NLRP5: variants seen among roughly 807,000 people sequenced by gnomAD.
The protein encoded by NLRP5 is NLR family pyrin domain containing 5.
In NLRP5, 93 loss-of-function variants were observed where a neutral mutation model predicts 113.1. That is an observed-to-expected ratio of 0.82 (90% CI 0.70 to 0.98). The LOEUF is 0.98. NLRP5 is among the 50% of genes least tolerant of loss of function. NLRP5 has a pLI of 0.00. For synonymous variants in NLRP5, 751 were observed against 600.7 expected (o/e 1.25, Z -3.66); for missense variants, 1,808 against 1,514.3 (o/e 1.19, Z -3.22).
intron 3 of NLRP5, 110 bp from the exon 4 acceptor site, chr19:56,015,632 T>C: frequency 1.2e-6 from 1 of 853,216 alleles, no homozygotes; most frequent in Non-Finnish European, 1.7e-6. Context: ...TCTAAACTGG[T>C]CAGAAAATTA....
intron 2 of NLRP5, among the ~76,000 whole-genome samples, chr19:56,007,730 AG>A (rs1981978650): frequency 1.3e-5 from 2 of 149,584 alleles, no homozygotes; most frequent in African/African-American, 5.1e-5. Context: ...AGTGACCCAG[AG>A]GGGATTGTGG....
At chr19:56,006,723 C>T (rs1981928157) in intron 2 of NLRP5, among the ~76,000 whole-genome samples, 1 of 151,156 alleles carries the variant, frequency 6.6e-6, no homozygotes, top group East Asian at 2.0e-4. Flanking sequence ...CAGAGCGAGA[C>T]TCCGTATTTA....
At chr19:56,045,812 A>T (rs1293435107) in intron 11 of NLRP5, among the ~76,000 whole-genome samples, 1 of 152,182 alleles carries the variant, frequency 6.6e-6, no homozygotes, top group Non-Finnish European at 1.5e-5. Flanking sequence ...ACAATGCCAC[A>T]AGGTTGATTG....
At chr19:55,987,302 A>G in the NLRP5 span, among the ~76,000 whole-genome samples, 3 of 152,214 alleles carry the variant, frequency 2.0e-5, no homozygotes, top group African/African-American at 7.2e-5. Flanking sequence ...CCCAGGAGGC[A>G]GAGGTTGCAG....
chr19:56,016,042 AC>A (rs752998738), intron 4 of NLRP5, among the ~76,000 whole-genome samples: 77 of 152,328 alleles, frequency 5.1e-4, no homozygotes, highest in South Asian at 2.1e-3. Flanking sequence ...AATTGTATAT[AC>A]TTATGGGGCG....
rs1160965587 is a variant in NLRP5, at chr19:56,055,537, C to CTTTTTTTTTTTTTTTTTTT, written c.3299+1737_3299+1755dup. Among the ~76,000 whole-genome samples the CTTTTTTTTTTTTTTTTTTT allele has an allele frequency of 2.7e-4, 21 of 76,460 alleles. 4 individuals are homozygous for CTTTTTTTTTTTTTTTTTTT. Among genetic ancestry groups the CTTTTTTTTTTTTTTTTTTT allele is most frequent in the Admixed American group, 3.9e-4 (2 of 5,076 alleles). 50.2% of individuals were successfully genotyped at this position (76,460 alleles called of 152,430 possible). ...CCATGTTCTATTTTTCTTTCTCTGT[C>CTTTTTTTTTTTTTTTTTTT]TTTTTTTTTTTTTTTTTTTTTTTTT... On this transcript the variant is annotated intron_variant, in intron 13 of 14. Coordinates refer to ENST00000390649, the MANE Select transcript of NLRP5 (RefSeq NM_153447.4).
At chr19:56,026,038 G>A (rs981098746) in intron 6 of NLRP5, among the ~76,000 whole-genome samples, 3 of 152,134 alleles carry the variant, frequency 2.0e-5, no homozygotes, top group Admixed American at 6.5e-5. Flanking sequence ...TGCAAAAAGG[G>A]ACATCGGGTT....
In NLRP5 at chr19:56,003,733, C is replaced by T. The variant is rs771687340; in HGVS notation, c.80C>T (p.Thr27Ile). 3 of 1,601,734 alleles carry T rather than the reference C, an allele frequency of 1.9e-6. No homozygotes were observed. In the African/African-American group the frequency reaches 4.0e-5, roughly 22 times the overall value. The change falls in exon 2 of 15, where the codon ACA becomes ATA. Residue 27 changes from threonine (T) to isoleucine (I), a missense_variant. Coordinates refer to ENST00000390649, the MANE Select transcript of NLRP5 (RefSeq NM_153447.4). ...CTTTTAAGTCTTGTCACTCTTTCCA[C>T]AGGTCCTACTTGCTCTATATTACCA...
the NLRP5 span, chr19:55,988,399 A>AG: frequency 1.4e-5 from 2 of 145,044 alleles, no homozygotes; most frequent in South Asian, 2.2e-4. Flanking sequence ...TGTCTCAAGA[A>AG]GAAAAAAAAA....
At chr19:56,046,410 G>GTGTA (rs1983726600) in intron 11 of NLRP5, among the ~76,000 whole-genome samples, 1 of 150,216 alleles carries the variant, frequency 6.7e-6, no homozygotes, top group African/African-American at 2.5e-5. Context: ...GTGTGTGTGT[G>GTGTA]TGTGTGTGTG....
chr19:56,034,598 G>C (rs627690), intron 9 of NLRP5, among the ~76,000 whole-genome samples: 90,290 of 152,108 alleles, frequency 0.59, 28,711 homozygotes, highest in African/African-American at 0.82. Context: ...TAATCCTCAG[G>C]AGCCACGTGT....
intron 11 of NLRP5, among the ~76,000 whole-genome samples, chr19:56,044,307 G>T (rs1417994584): frequency 6.6e-6 from 1 of 152,062 alleles, no homozygotes; most frequent in Non-Finnish European, 1.5e-5. Context: ...GCCCACCTCA[G>T]CCTCCCAAAG....
intron 5 of NLRP5, among the ~76,000 whole-genome samples, chr19:56,019,817 A>C (rs1437121237): frequency 6.6e-6 from 1 of 151,052 alleles, no homozygotes; most frequent in Non-Finnish European, 1.5e-5. Context: ...CAGTGGTAAG[A>C]AAAACATGTC....
chr19:56,013,602 T>TTTTTTTTTG (rs1982293188), intron 3 of NLRP5, among the ~76,000 whole-genome samples: 1 of 131,900 alleles, frequency 7.6e-6, no homozygotes, highest in African/African-American at 2.9e-5. Flanking sequence ...TTGGGTTTTT[T>TTTTTTTTTG]TTTTTTTTTT....
intron 9 of NLRP5, among the ~76,000 whole-genome samples, chr19:56,037,657 C>CA (rs1226963039): frequency 2.7e-5 from 4 of 146,282 alleles, no homozygotes; most frequent in Admixed American, 2.1e-4. Context: ...TGCGCCACTG[C>CA]ACTCCAGCCT....
chr19:56,013,599 T>TC (rs1304236528), intron 3 of NLRP5, among the ~76,000 whole-genome samples: 1 of 130,080 alleles, frequency 7.7e-6, no homozygotes, highest in Non-Finnish European at 1.6e-5. Flanking sequence ...CATTTGGGTT[T>TC]TTTTTTTTTT....
At position 56,028,481 on chromosome 19, in the gene NLRP5, G is replaced by A. The variant is rs61745533; in HGVS notation, c.2248G>A (p.Ala750Thr). The A allele has an allele frequency of 8.1e-4, 1,303 of 1,613,598 alleles. 13 individuals carry two copies. Among genetic ancestry groups the A allele is most frequent in the South Asian group, 6.8e-3 (616 of 91,078 alleles). Residue 750 changes from alanine (A) to threonine (T), a missense_variant, in exon 7 of 15, where the codon GCT (alanine) becomes ACT (threonine). Physicochemically the swap from Ala to Thr is moderately conservative, Grantham distance 58. Transcript: ENST00000390649. Reference sequence around the variant, plus strand: ...AGGGATCTTCCCAAGAGATGAGTCCGCTGAGGCATGTCCTGTGGTCCCTCT... The same window carrying A: ...AGGGATCTTCCCAAGAGATGAGTCCACTGAGGCATGTCCTGTGGTCCCTCT...
At chr19:56,019,017 A>G (rs1483019217) in intron 4 of NLRP5, among the ~76,000 whole-genome samples, 2 of 151,518 alleles carry the variant, frequency 1.3e-5, no homozygotes, top group Non-Finnish European at 2.9e-5. Flanking sequence ...GCTGGCCTCG[A>G]ACCCCTGACC....
chr19:56,007,517 A>C (rs1466098547), intron 2 of NLRP5, among the ~76,000 whole-genome samples: 1 of 151,162 alleles, frequency 6.6e-6, no homozygotes, highest in Non-Finnish European at 1.5e-5. Flanking sequence ...CTGAGCATAA[A>C]GTCAGGGCAT....
Sources: gnomAD v4.1 joint callset for allele counts (sites outside exome capture counted in the v4.1 genomes callset) on GRCh38, gnomAD v4.1.1 for gene constraint, MANE v1.5 for transcripts, NCBI Gene and HGNC (gene_info 2026-07-23, HGNC 2026-07-21) for gene names.